The following WWC2 variants were observed in gnomAD, a reference collection of about 807,000 sequenced individuals.
The protein encoded by WWC2 is WW and C2 domain containing 2.
A neutral mutation model predicts 138.5 loss-of-function variants in WWC2; 101 were observed. That is an observed-to-expected ratio of 0.73 (90% confidence interval 0.62 to 0.86). The LOEUF (loss-of-function observed/expected upper bound fraction) is 0.86. Among genes scored for constraint, WWC2 ranks in the 40% least tolerant of loss-of-function variants. The pLI, the probability that WWC2 is intolerant of heterozygous loss-of-function variation, is 0.00. For missense variants in WWC2, 1,420 were observed against 1,419.4 expected (o/e 1.00, Z -0.01); for synonymous variants, 558 against 538.4 (o/e 1.04, Z -0.50).
At chr4:183,297,141 A>T (rs899635631) in intron 21 of WWC2, among the ~76,000 whole-genome samples, 3 of 151,472 alleles carry the variant, frequency 2.0e-5, no homozygotes, top group African/African-American at 2.4e-5. Flanking sequence ...CACTCAGCCA[A>T]TTTTATTTTT....
chr4:183,172,397 C>G (rs1734315130), intron 1 of WWC2, among the ~76,000 whole-genome samples: 1 of 152,100 alleles, frequency 6.6e-6, no homozygotes, highest in African/African-American at 2.4e-5. Context: ...TTTGCATCTC[C>G]ACAGATGCCA....
intron 14 of WWC2, among the ~76,000 whole-genome samples, chr4:183,268,160 G>C (rs1054363021): frequency 1.3e-5 from 2 of 152,152 alleles, no homozygotes; most frequent in African/African-American, 4.8e-5. Flanking sequence ...ACGGAGAAAG[G>C]CATGTTTTAG....
At chr4:183,223,263 T>C (rs552976980) in intron 4 of WWC2, among the ~76,000 whole-genome samples, 1 of 152,384 alleles carries the variant, frequency 6.6e-6, no homozygotes, top group Admixed American at 6.5e-5. Flanking sequence ...TACTCTGTGA[T>C]ATTCACGTGA....
intron 1 of WWC2, among the ~76,000 whole-genome samples, chr4:183,143,788 A>G (rs969772299): frequency 2.0e-5 from 3 of 152,078 alleles, no homozygotes; most frequent in Non-Finnish European, 4.4e-5. Flanking sequence ...AGCCTGGGCA[A>G]CAGAGATAGA....
chr4:183,151,663 A>G (rs979356148), intron 1 of WWC2, among the ~76,000 whole-genome samples: 1 of 152,164 alleles, frequency 6.6e-6, no homozygotes, highest in African/African-American at 2.4e-5. Context: ...TAGGGTTTTT[A>G]TGGTTTTAGG....
chr4:183,211,101 G>T (rs1735584267), intron 4 of WWC2, among the ~76,000 whole-genome samples: 1 of 152,114 alleles, frequency 6.6e-6, no homozygotes. Flanking sequence ...TCTCATATGA[G>T]TGCATTGCTT....
intron 3 of WWC2, 21 bp downstream of exon 3, chr4:183,208,177 C>T (rs537802879): frequency 1.2e-6 from 2 of 1,611,626 alleles, no homozygotes; most frequent in East Asian, 4.5e-5. Flanking sequence ...TGTGGCTATT[C>T]AGACTTTGGA....
At chr4:183,308,993 A>T (rs1324134479) in intron 21 of WWC2, among the ~76,000 whole-genome samples, 1 of 152,234 alleles carries the variant, frequency 6.6e-6, no homozygotes. Context: ...TCATCTTTTC[A>T]ACAAATGATG....
intron 14 of WWC2, among the ~76,000 whole-genome samples, chr4:183,267,361 C>T (rs1737539252): frequency 6.6e-6 from 1 of 152,176 alleles, no homozygotes; most frequent in South Asian, 2.1e-4. Flanking sequence ...TGAAAAACAC[C>T]AGTCAGCGGT....
intron 5 of WWC2, among the ~76,000 whole-genome samples, chr4:183,242,004 T>C (rs1736638524): frequency 6.6e-6 from 1 of 152,216 alleles, no homozygotes; most frequent in African/African-American, 2.4e-5. Flanking sequence ...TAAGAATCTG[T>C]CAATAACATT....
At chr4:183,156,170 G>T (rs752155963) in intron 1 of WWC2, among the ~76,000 whole-genome samples, 1 of 151,868 alleles carries the variant, frequency 6.6e-6, no homozygotes, top group Non-Finnish European at 1.5e-5. Context: ...CGGATTACAG[G>T]TGCCGCTACC....
At chr4:183,144,166 C>G (rs1733384472) in intron 1 of WWC2, among the ~76,000 whole-genome samples, 1 of 152,126 alleles carries the variant, frequency 6.6e-6, no homozygotes, top group African/African-American at 2.4e-5. Flanking sequence ...ATTTGTGTCT[C>G]CCATTTGAAT....
chr4:183,208,445 A>C (rs1400821358), intron 3 of WWC2, among the ~76,000 whole-genome samples: 1 of 152,140 alleles, frequency 6.6e-6, no homozygotes, highest in African/African-American at 2.4e-5. Flanking sequence ...AGAACAGTGC[A>C]AGTAGTTTGG....
chr4:183,255,803 G>A (rs967385733), intron 9 of WWC2, among the ~76,000 whole-genome samples: 1 of 151,252 alleles, frequency 6.6e-6, no homozygotes, highest in Non-Finnish European at 1.5e-5. Context: ...TTTTTCCTAA[G>A]TACCTAAACT....
intron 8 of WWC2, among the ~76,000 whole-genome samples, chr4:183,252,769 G>C (rs548658459): frequency 6.6e-6 from 1 of 152,154 alleles, no homozygotes; most frequent in Non-Finnish European, 1.5e-5. Flanking sequence ...TACACCAGTC[G>C]GGGCACTGAT....
chr4:183,127,595 G>C (rs1477489817), intron 1 of WWC2, among the ~76,000 whole-genome samples: 1 of 152,106 alleles, frequency 6.6e-6, no homozygotes, highest in Admixed American at 6.6e-5. Flanking sequence ...GTTAATTATA[G>C]TGCATTATAT....
At chr4:183,142,166 A>T (rs1733319480) in intron 1 of WWC2, among the ~76,000 whole-genome samples, 2 of 152,360 alleles carry the variant, frequency 1.3e-5, no homozygotes, top group Middle Eastern at 3.4e-3. Flanking sequence ...CCAAATACAG[A>T]GGCCCCATAC....
chr4:183,216,455 T>C (rs1196583679), intron 4 of WWC2, among the ~76,000 whole-genome samples: 1 of 152,162 alleles, frequency 6.6e-6, no homozygotes, highest in Non-Finnish European at 1.5e-5. Context: ...GTCAAAATCA[T>C]GTGGATATAT....
intron 2 of WWC2, among the ~76,000 whole-genome samples, chr4:183,195,059 C>T (rs1311801811): frequency 6.6e-6 from 1 of 152,136 alleles, no homozygotes; most frequent in African/African-American, 2.4e-5. Flanking sequence ...TATTGATATA[C>T]TGTATTAGTA....
Sources: allele counts gnomAD v4.1 joint callset (sites outside exome capture counted in the v4.1 genomes callset), GRCh38; gene constraint gnomAD v4.1.1; transcripts MANE v1.5; gene names NCBI Gene and HGNC (gene_info 2026-07-23, HGNC 2026-07-21).